Variants in RNF170 observed in about 807,000 individuals in gnomAD.
RNF170 encodes ring finger protein 170.
In RNF170, 12 loss-of-function variants were observed where a neutral mutation model predicts 32.7. The ratio of observed to expected loss-of-function variants is 0.37; its 90% CI spans 0.24 to 0.60. RNF170 has a LOEUF of 0.60. Among genes scored for constraint, RNF170 ranks in the 20% least tolerant of loss-of-function variants. The probability of loss-of-function intolerance (pLI) is 0.72; values close to 1 mark genes in which losing one functional copy is unlikely to be tolerated. For synonymous variants in RNF170, 91 were observed against 103.6 expected, an observed-to-expected ratio of 0.88 and a Z score of 0.74; for missense variants, 212 against 311.2, an observed-to-expected ratio of 0.68 and a Z score of 2.40.
At chr8:42,865,131 C>G (rs1443102668) in intron 5 of RNF170, among the ~76,000 whole-genome samples, 1 of 151,770 alleles carries the variant, frequency 6.6e-6, no homozygotes, top group Non-Finnish European at 1.5e-5. Flanking sequence ...GTGGCACATG[C>G]CTATAGTCCC....
chr8:42,853,059 G>A (rs1379521778), downstream of RNF170, among the ~76,000 whole-genome samples: 2 of 151,516 alleles, frequency 1.3e-5, no homozygotes, highest in African/African-American at 2.4e-5. Flanking sequence ...CCAGGAATTC[G>A]AGGCTGCAGT....
downstream of RNF170, among the ~76,000 whole-genome samples, chr8:42,851,353 G>C (rs924382425): frequency 3.3e-5 from 5 of 152,080 alleles, no homozygotes; most frequent in African/African-American, 1.2e-4. Context: ...CCTGAGATCA[G>C]GAGTTCCAGA....
chr8:42,854,220 G>C lies in RNF170; in HGVS notation c.*1939C>G, dbSNP rs953458693. On this transcript the variant is annotated 3_prime_UTR_variant, in exon 7 of 7. Coordinates refer to ENST00000527424, the MANE Select transcript of RNF170 (RefSeq NM_030954.4). ...AGGAGTGCCTAAGCTGTCTTACTCT[G>C]ATGGAGGTATAATGTAGCACGAAAG... 1.3e-5 allele frequency: 17 copies of C among 1,287,064 alleles called. No homozygotes were observed. Among genetic ancestry groups the C allele is most frequent in the Non-Finnish European group, 1.5e-5 (15 of 988,702 alleles). 79.7% of individuals were successfully genotyped at this position (1,287,064 alleles called of 1,614,324 possible). A position where few individuals can be genotyped will look rare whatever the true frequency, so the allele number is the denominator to read the frequency against.
intron 5 of RNF170, 89 bp downstream of exon 5, chr8:42,865,327 C>T: frequency 1.1e-6 from 1 of 937,456 alleles, no homozygotes; most frequent in Middle Eastern, 2.1e-4. Flanking sequence ...GCTAAAAAGA[C>T]AATAATAATT....
chr8:42,870,214 C>A (rs888996589), intron 3 of RNF170, 102 bp from the exon 4 acceptor site: 2 of 787,192 alleles, frequency 2.5e-6, no homozygotes, highest in Non-Finnish European at 4.5e-6. Context: ...AGTGTGTAAC[C>A]CTCATCAAAC....
chr8:42,867,860 A>G (rs552444168), intron 4 of RNF170, among the ~76,000 whole-genome samples: 218 of 152,198 alleles, frequency 1.4e-3, no homozygotes, highest in African/African-American at 5.2e-3. Flanking sequence ...CTTGTAGAAA[A>G]GAAAGGATTT....
chr8:42,851,769 C>T (rs1204130748), downstream of RNF170, among the ~76,000 whole-genome samples: 2 of 151,898 alleles, frequency 1.3e-5, no homozygotes, highest in Non-Finnish European at 2.9e-5. Context: ...TCTGGAGTAG[C>T]TAGGACCACA....
At chr8:42,852,846 T>C (rs1802976130), downstream of RNF170, among the ~76,000 whole-genome samples, 1 of 152,188 alleles carries the variant, frequency 6.6e-6, no homozygotes, top group Non-Finnish European at 1.5e-5. Context: ...GAAAAATAAT[T>C]TTCAGCACTG....
chr8:42,894,571 T>A (rs2130240078), intron 1 of RNF170, among the ~76,000 whole-genome samples: 1 of 152,256 alleles, frequency 6.6e-6, no homozygotes, highest in East Asian at 1.9e-4. Context: ...ATGTGTAATT[T>A]TTTTTTTCTT....
intron 1 of RNF170, among the ~76,000 whole-genome samples, chr8:42,894,283 A>G (rs1806559106): frequency 2.6e-5 from 4 of 152,168 alleles, no homozygotes; most frequent in Admixed American, 2.6e-4. Context: ...AGCCTTGAAA[A>G]CCGGGGCCAC....
chr8:42,854,931 C>T lies in RNF170; in HGVS notation c.*1228G>A, dbSNP rs775360843. ...TCCTGAGACAGTATTATAAAAATTT[C>T]TGACAACAGAAAACTAACAAAATTT... On this transcript the variant is annotated 3_prime_UTR_variant, in exon 7 of 7. Transcript: ENST00000527424. 1.7e-5 allele frequency: 22 copies of T among 1,287,084 alleles called. No homozygotes were observed. Among genetic ancestry groups the T allele is most frequent in the African/African-American group, 4.6e-5 (3 of 65,776 alleles). The allele number at this position is 1,287,084 out of a possible 1,614,324, so 79.7% of individuals were successfully genotyped here. A position where few individuals can be genotyped will look rare whatever the true frequency, so the allele number is the denominator to read the frequency against.
At chr8:42,853,271 T>G (rs184933341), downstream of RNF170, 22 of 1,101,438 alleles carry the variant, frequency 2.0e-5, no homozygotes, top group Non-Finnish European at 2.5e-5. Context: ...AAACAACTGT[T>G]AAATAAACAG....
chr8:42,896,810 G>A (rs1169089989), upstream of RNF170: 1 of 155,628 alleles, frequency 6.4e-6, no homozygotes, highest in Non-Finnish European at 1.4e-5. Flanking sequence ...GCGCGAGCGT[G>A]CGCAGTGGCT....
In RNF170 at chr8:42,854,705, GGAT is replaced by G; in HGVS notation, c.*1451_*1453del. On this transcript the variant is annotated 3_prime_UTR_variant, in exon 7 of 7. Transcript: ENST00000527424. Reference sequence around the variant, plus strand: ...TAGTGAAGCTCACTAATAAATTAATGGATGATATTAATAGCAGTGATCTCAGAT... The same window carrying G: ...TAGTGAAGCTCACTAATAAATTAATGGATATTAATAGCAGTGATCTCAGAT... 7.8e-7 allele frequency: 1 copy of G among 1,287,134 alleles called. No homozygotes were observed. Among genetic ancestry groups the G allele is most frequent in the Non-Finnish European group, 1.0e-6 (1 of 988,482 alleles). The allele number at this position is 1,287,134 out of a possible 1,614,324, so 79.7% of individuals were successfully genotyped here.
chr8:42,865,631 C>T (rs1168847289), intron 4 of RNF170, 142 bp from the exon 5 acceptor site: 11 of 714,816 alleles, frequency 1.5e-5, no homozygotes, highest in Non-Finnish European at 2.7e-5. Context: ...TCCAGCCAAC[C>T]CTTCAGGCAA....
downstream of RNF170, chr8:42,851,105 A>C: frequency 6.8e-7 from 1 of 1,462,784 alleles, no homozygotes; most frequent in Non-Finnish European, 9.1e-7. Flanking sequence ...ACCTCACTTC[A>C]TGCCCTCCTT....
chr8:42,851,574 AAAAAAAGAAAG>A (rs1802943244), downstream of RNF170, among the ~76,000 whole-genome samples: 1 of 151,912 alleles, frequency 6.6e-6, no homozygotes, highest in African/African-American at 2.4e-5. Flanking sequence ...CAAAAAAAAA[AAAAAAAGAAAG>A]AAAAAGAAAG....
intron 5 of RNF170, among the ~76,000 whole-genome samples, chr8:42,863,728 T>A (rs1243359411): frequency 6.6e-6 from 1 of 152,040 alleles, no homozygotes; most frequent in Non-Finnish European, 1.5e-5. Flanking sequence ...GCGTGAGCCA[T>A]CACGCCCGGC....
At chr8:42,851,002 A>C (rs1337147851), downstream of RNF170, 1 of 1,551,230 alleles carries the variant, frequency 6.4e-7, no homozygotes, top group South Asian at 1.2e-5. Flanking sequence ...TGAACCCTAC[A>C]CACGGTAGTC....
Sources: gnomAD v4.1 joint callset for allele counts (sites outside exome capture counted in the v4.1 genomes callset) on GRCh38, gnomAD v4.1.1 for gene constraint, MANE v1.5 for transcripts, NCBI Gene and HGNC (gene_info 2026-07-23, HGNC 2026-07-21) for gene names.